The following CIMIP2A variants were observed in gnomAD, a reference collection of about 807,000 sequenced individuals.
CIMIP2A encodes family with sequence similarity 166 member A.
At chr9:137,251,715 G>A in the CIMIP2A span, 1 of 1,553,470 alleles carries the variant, frequency 6.4e-7, no homozygotes, top group Non-Finnish European at 8.7e-7. Context: ...GGCTGAGACA[G>A]TGGCTGCTGG....
At chr9:137,251,768 G>A in the CIMIP2A span, 1,371 of 1,584,230 alleles carry the variant, frequency 8.7e-4, 6 homozygotes, top group African/African-American at 0.015. Context: ...TGTTGGGCCC[G>A]GAGCCGGGGA....
At chr9:137,253,599 A>C in the CIMIP2A span, 3 of 994,468 alleles carry the variant, frequency 3.0e-6, no homozygotes, top group Non-Finnish European at 2.8e-6. Flanking sequence ...TGCCCCTGAA[A>C]GGTGCTCTCT....
chr9:137,247,733 C>T, the CIMIP2A span: 1 of 1,612,576 alleles, frequency 6.2e-7, no homozygotes, highest in African/African-American at 1.3e-5. Flanking sequence ...TCACTCTGGC[C>T]TTGCTGGCTC....
chr9:137,252,578 G>A, the CIMIP2A span: 4 of 1,499,450 alleles, frequency 2.7e-6, no homozygotes, highest in East Asian at 9.9e-5. Context: ...AGGGGGCTGG[G>A]GGTTCCAGTG....
the CIMIP2A span, chr9:137,251,853 C>A: frequency 1.2e-6 from 2 of 1,608,198 alleles, no homozygotes; most frequent in Non-Finnish European, 8.5e-7. Flanking sequence ...GGGCACCCCC[C>A]AGGAGTCCCT....
chr9:137,251,234 G>A, the CIMIP2A span: 1 of 1,206,482 alleles, frequency 8.3e-7, no homozygotes, highest in Admixed American at 1.7e-5. Context: ...GGGCCTACCA[G>A]TGAGGTCACA....
At chr9:137,243,828 C>G in the CIMIP2A span, 1 of 1,602,674 alleles carries the variant, frequency 6.2e-7, no homozygotes, top group Non-Finnish European at 8.5e-7. Context: ...GGCTTATGTG[C>G]CCAGGACCAG....
At chr9:137,243,765 T>G in the CIMIP2A span, 1 of 1,614,058 alleles carries the variant, frequency 6.2e-7, no homozygotes, top group South Asian at 1.1e-5. Context: ...TTGCCGAATG[T>G]CAGGGCGTAG....
the CIMIP2A span, among the ~76,000 whole-genome samples, chr9:137,254,896 G>A: frequency 6.6e-6 from 1 of 152,238 alleles, no homozygotes; most frequent in Non-Finnish European, 1.5e-5. Flanking sequence ...GACAGCGCCG[G>A]GGTGGGCTTC....
the CIMIP2A span, chr9:137,243,892 G>A: frequency 1.6e-6 from 2 of 1,280,110 alleles, no homozygotes; most frequent in Non-Finnish European, 2.3e-6. Flanking sequence ...TGGGCCCTGG[G>A]TATCTGCTTG....
At chr9:137,245,066 G>GC in the CIMIP2A span, 1 of 1,610,476 alleles carries the variant, frequency 6.2e-7, no homozygotes, top group Non-Finnish European at 8.5e-7. Flanking sequence ...GCCTTCTCCA[G>GC]CCCAGCCCAG....
At chr9:137,253,172 C>T in the CIMIP2A span, 19 of 1,603,408 alleles carry the variant, frequency 1.2e-5, no homozygotes, top group South Asian at 4.4e-5. Flanking sequence ...CGCTTCCCTT[C>T]GGCGCCTGGC....
At chr9:137,246,204 G>A in the CIMIP2A span, among the ~76,000 whole-genome samples, 3 of 152,228 alleles carry the variant, frequency 2.0e-5, no homozygotes, top group South Asian at 2.1e-4. Flanking sequence ...GGCACAAGAC[G>A]TGTGGGCCAG....
chr9:137,254,870 A>G, the CIMIP2A span, among the ~76,000 whole-genome samples: 1 of 152,180 alleles, frequency 6.6e-6, no homozygotes, highest in African/African-American at 2.4e-5. Flanking sequence ...GAAGGCGCTC[A>G]GATCTCAGTT....
the CIMIP2A span, among the ~76,000 whole-genome samples, chr9:137,254,085 C>T: frequency 6.6e-6 from 1 of 152,226 alleles, no homozygotes; most frequent in East Asian, 1.9e-4. Flanking sequence ...CTTGCAGGAG[C>T]CTTACCTGCG....
chr9:137,246,718 G>A, the CIMIP2A span, among the ~76,000 whole-genome samples: 6 of 152,074 alleles, frequency 3.9e-5, no homozygotes, highest in East Asian at 7.7e-4. Context: ...AGCCAAGATC[G>A]CCCCACTGCA....
At chr9:137,247,549 C>T in the CIMIP2A span, 1 of 1,017,158 alleles carries the variant, frequency 9.8e-7, no homozygotes, top group Non-Finnish European at 1.5e-6. Context: ...CTTCAGTTTC[C>T]TGGGGTCCAG....
the CIMIP2A span, chr9:137,244,812 G>T: frequency 8.9e-6 from 14 of 1,581,278 alleles, no homozygotes; most frequent in African/African-American, 1.5e-4. Context: ...GCCCTCAGAC[G>T]TGTCAGGGAA....
chr9:137,254,724 G>A, the CIMIP2A span, among the ~76,000 whole-genome samples: 14 of 152,052 alleles, frequency 9.2e-5, no homozygotes, highest in African/African-American at 2.9e-4. Context: ...GGGATAAGAA[G>A]GGACACTGTG....
Sources: allele counts gnomAD v4.1 joint callset (sites outside exome capture counted in the v4.1 genomes callset), GRCh38; gene constraint gnomAD v4.1.1; transcripts MANE v1.5; gene names NCBI Gene and HGNC (gene_info 2026-07-23, HGNC 2026-07-21).